The following EYS variants were observed in gnomAD, a reference collection of about 807,000 sequenced individuals.
EYS encodes protein eyes shut homolog.
EYS carries 250 observed loss-of-function variants against 282.1 expected under a neutral mutation model. That is an observed-to-expected ratio of 0.89 (90% confidence interval 0.80 to 0.98). The LOEUF is 0.98. EYS is among the 50% of genes least tolerant of loss of function. EYS has a pLI of 0.00. For synonymous variants in EYS, 1,355 were observed against 1,282.9 expected, an observed-to-expected ratio of 1.06 and a Z score of -1.20; for missense variants, 4,016 against 3,709.0, an observed-to-expected ratio of 1.08 and a Z score of -2.15.
At chr6:64,417,492 T>C (rs1774092642) in intron 28 of EYS, among the ~76,000 whole-genome samples, 1 of 152,152 alleles carries the variant, frequency 6.6e-6, no homozygotes. Flanking sequence ...ATACATATTG[T>C]TGGTGGTGAA....
At chr6:64,173,499 A>C (rs149428781) in intron 31 of EYS, among the ~76,000 whole-genome samples, 1 of 152,178 alleles carries the variant, frequency 6.6e-6, no homozygotes, top group East Asian at 1.9e-4. Context: ...CAGCATCTTA[A>C]CCTGTTTGAT....
At chr6:65,316,804 C>T (rs1404656622) in intron 11 of EYS, among the ~76,000 whole-genome samples, 4 of 152,228 alleles carry the variant, frequency 2.6e-5, no homozygotes, top group Non-Finnish European at 4.4e-5. Flanking sequence ...GCAAAGGACA[C>T]GAACTCATCC....
chr6:65,403,609 A>G (rs1766601207), intron 6 of EYS, among the ~76,000 whole-genome samples: 1 of 152,084 alleles, frequency 6.6e-6, no homozygotes. Flanking sequence ...TGGTAGCAGT[A>G]CAAATGATAA....
rs111714266 is a variant in EYS at position 64,543,484 on chromosome 6, T to G, written c.5644+46739A>C. Among the ~76,000 whole-genome samples the G allele has an allele frequency of 7.4e-3, 1,126 of 152,236 alleles. 13 individuals are homozygous for G. The highest frequency in any genetic ancestry group is 0.023 in the African/African-American group (959 of 41,580). On this transcript the variant is annotated intron_variant, in intron 26 of 42. Coordinates refer to ENST00000503581, the MANE Select transcript of EYS (RefSeq NM_001142800.2). ...TTTGGATCTAAAATTTTTCTTAAAATTCAAAATTCAAATGATAGTTGTGGT... is the reference window on the plus strand; with the variant it reads ...TTTGGATCTAAAATTTTTCTTAAAAGTCAAAATTCAAATGATAGTTGTGGT...
rs35657029 is a variant in EYS, at chr6:64,169,431, G to GTTTTTTTTTTTTTTTTTTT, written c.6424+61160_6424+61161insAAAAAAAAAAAAAAAAAAA. ...ACATACTCAAACAATTTGAGGAGGA[G>GTTTTTTTTTTTTTTTTTTT]TTTTTTTTTTTTTTTTACAAAAAGG... is the stretch of plus-strand genomic sequence containing the variant. On this transcript the variant is annotated intron_variant, in intron 31 of 42. Coordinates refer to ENST00000503581, the MANE Select transcript of EYS (RefSeq NM_001142800.2). Among the ~76,000 whole-genome samples the GTTTTTTTTTTTTTTTTTTT allele has an allele frequency of 8.5e-4, 120 of 140,946 alleles. 2 individuals are homozygous for GTTTTTTTTTTTTTTTTTTT. Among genetic ancestry groups the GTTTTTTTTTTTTTTTTTTT allele is most frequent in the African/African-American group, 3.1e-3 (113 of 36,384 alleles). The allele number at this position is 140,946 out of a possible 152,430, so 92.5% of individuals were successfully genotyped here.
intron 2 of EYS, among the ~76,000 whole-genome samples, chr6:65,578,768 C>T (rs764134269): frequency 1.3e-5 from 2 of 151,904 alleles, no homozygotes; most frequent in Non-Finnish European, 2.9e-5. Flanking sequence ...AGAAATTGGA[C>T]TCATCTTTCA....
chr6:64,913,477 T>C (rs1768065871), intron 15 of EYS, among the ~76,000 whole-genome samples: 1 of 152,082 alleles, frequency 6.6e-6, no homozygotes, highest in South Asian at 2.1e-4. Context: ...ACCCATTGTT[T>C]AGCTTCCACT....
chr6:64,136,429 G>C (rs572376477), intron 31 of EYS, among the ~76,000 whole-genome samples: 37 of 152,108 alleles, frequency 2.4e-4, no homozygotes, highest in African/African-American at 7.0e-4. Flanking sequence ...ATCTAGAATG[G>C]TGAATTTTTT....
At chr6:65,605,692 A>T (rs1008344999) in intron 2 of EYS, among the ~76,000 whole-genome samples, 1 of 151,816 alleles carries the variant, frequency 6.6e-6, no homozygotes, top group Non-Finnish European at 1.5e-5. Flanking sequence ...TATGATTAAA[A>T]TTTTTTATTG....
At chr6:64,553,242 G>A (rs1249901369) in intron 26 of EYS, among the ~76,000 whole-genome samples, 1 of 152,072 alleles carries the variant, frequency 6.6e-6, no homozygotes, top group Non-Finnish European at 1.5e-5. Context: ...AGCATTAAAA[G>A]AAATTAGCCA....
intron 8 of EYS, among the ~76,000 whole-genome samples, chr6:65,371,525 C>CA (rs1379017109): frequency 1.3e-5 from 2 of 149,832 alleles, no homozygotes; most frequent in Admixed American, 7.4e-5. Context: ...TAAATGCTCA[C>CA]AAAAAAGGCC....
chr6:64,533,327 T>G (rs1334179662), intron 26 of EYS, among the ~76,000 whole-genome samples: 1 of 152,126 alleles, frequency 6.6e-6, no homozygotes, highest in Non-Finnish European at 1.5e-5. Context: ...CTAAAATTGA[T>G]GAAAAGCATA....
At chr6:63,798,531 G>A (rs149839733) in intron 37 of EYS, among the ~76,000 whole-genome samples, 1,812 of 152,232 alleles carry the variant, frequency 0.012, 31 homozygotes, top group African/African-American at 0.042. Context: ...CCTCAGTGCT[G>A]TGCAATTGAA....
intron 35 of EYS, among the ~76,000 whole-genome samples, chr6:63,905,625 T>C (rs1335355179): frequency 1.3e-5 from 2 of 152,138 alleles, no homozygotes; most frequent in East Asian, 1.9e-4. Flanking sequence ...CCACCGCGCC[T>C]GGCCAAATAA....
intron 12 of EYS, among the ~76,000 whole-genome samples, chr6:65,215,287 C>A (rs1766283653): frequency 6.6e-6 from 1 of 151,776 alleles, no homozygotes; most frequent in Non-Finnish European, 1.5e-5. Context: ...TCAATATTAA[C>A]AGGAGTTTAA....
intron 15 of EYS, among the ~76,000 whole-genome samples, chr6:64,913,642 T>TC (rs1409127977): frequency 9.8e-5 from 15 of 152,286 alleles, no homozygotes; most frequent in South Asian, 6.2e-4. Flanking sequence ...CACATATTCT[T>TC]TATCCAGTCC....
At chr6:64,594,471 G>C (rs62415830) in intron 24 of EYS, among the ~76,000 whole-genome samples, 15,347 of 152,014 alleles carry the variant, frequency 0.1, 924 homozygotes, top group East Asian at 0.17. Flanking sequence ...ACTGGATTAA[G>C]AAAATGTGGC....
chr6:65,505,656 G>A (rs7449561), intron 2 of EYS, among the ~76,000 whole-genome samples: 41,353 of 151,894 alleles, frequency 0.27, 5,853 homozygotes, highest in African/African-American at 0.34. Flanking sequence ...TGACCAATGT[G>A]TTATTCAAAG....
chr6:65,008,400 C>T (rs190643168), intron 13 of EYS, among the ~76,000 whole-genome samples: 22 of 152,050 alleles, frequency 1.4e-4, no homozygotes, highest in African/African-American at 4.8e-4. Context: ...CCCTATTGAA[C>T]GTGGCAACCT....
Sources: allele counts gnomAD v4.1 joint callset (sites outside exome capture counted in the v4.1 genomes callset), GRCh38; gene constraint gnomAD v4.1.1; transcripts MANE v1.5; gene names NCBI Gene and HGNC (gene_info 2026-07-23, HGNC 2026-07-21).